MAMLD1: variants seen among roughly 807,000 people sequenced by gnomAD.
The protein encoded by MAMLD1 is mastermind-like domain-containing protein 1.
A neutral mutation model predicts 45.0 loss-of-function variants in MAMLD1; 14 were observed. That is an observed-to-expected ratio of 0.31 (90% CI 0.21 to 0.49). The LOEUF (loss-of-function observed/expected upper bound fraction) is 0.49. Ranked by LOEUF, MAMLD1 falls within the 20% of genes least tolerant of loss-of-function variation. The pLI is 0.99. For synonymous variants in MAMLD1, 254 were observed against 247.8 expected (o/e 1.02, Z -0.24); for missense variants, 543 against 603.6 (o/e 0.90, Z 1.05).
intron 3 of MAMLD1, among the ~76,000 whole-genome samples, chrX:150,469,396 C>T (rs1557406154): frequency 3.6e-5 from 4 of 111,752 alleles, no homozygotes; most frequent in African/African-American, 6.5e-5. Context: ...CGTTCTATCC[C>T]GTTTTAGTAT....
At chrX:150,504,237 G>A (rs1265153066) in intron 6 of MAMLD1, 1 of 750,862 alleles carries the variant, frequency 1.3e-6, no homozygotes, top group Non-Finnish European at 1.6e-6. Context: ...CCAGCCAGAG[G>A]GGACCTTTGC....
chrX:150,494,589 T>G (rs781918013), intron 5 of MAMLD1, among the ~76,000 whole-genome samples: 2 of 109,769 alleles, frequency 1.8e-5, no homozygotes, highest in South Asian at 7.8e-4. Context: ...TTTCAAAACC[T>G]TAGTGGCGGG....
chrX:150,467,685 C>A (rs188451863), intron 3 of MAMLD1, among the ~76,000 whole-genome samples: 232 of 112,782 alleles, frequency 2.1e-3, no homozygotes, highest in Non-Finnish European at 3.5e-3. Flanking sequence ...GTCCTACCAA[C>A]AACATGGCGA....
intron 1 of MAMLD1, among the ~76,000 whole-genome samples, chrX:150,376,262 G>C (rs2032311118): frequency 8.9e-6 from 1 of 112,086 alleles, no homozygotes; most frequent in Non-Finnish European, 1.9e-5. Flanking sequence ...TGAAAGCATG[G>C]GGTTGTATTT....
chrX:150,416,530 C>T (rs1336001664), intron 1 of MAMLD1, among the ~76,000 whole-genome samples: 1 of 111,867 alleles, frequency 8.9e-6, no homozygotes, highest in Non-Finnish European at 1.9e-5. Context: ...AACAGAATGG[C>T]TGCCTATAAA....
At chrX:150,504,843 T>C in intron 6 of MAMLD1, 1 of 754,301 alleles carries the variant, frequency 1.3e-6, no homozygotes, top group Non-Finnish European at 1.6e-6. Flanking sequence ...CCTTTGAGGG[T>C]CAGGCCTGGC....
chrX:150,454,524 G>A (rs782571197), intron 2 of MAMLD1, among the ~76,000 whole-genome samples: 7 of 111,982 alleles, frequency 6.3e-5, no homozygotes, highest in East Asian at 5.6e-4. Context: ...CGGTAATTCA[G>A]TTTCAGTTTT....
chrX:150,501,893 A>G (rs782322575), intron 5 of MAMLD1, among the ~76,000 whole-genome samples: 1 of 112,291 alleles, frequency 8.9e-6, no homozygotes, highest in East Asian at 2.8e-4. Context: ...GGGCTTGGGA[A>G]CGAGGCAAGC....
At chrX:150,415,867 G>A (rs975994933) in intron 1 of MAMLD1, among the ~76,000 whole-genome samples, 2 of 112,384 alleles carry the variant, frequency 1.8e-5, no homozygotes, top group African/African-American at 6.5e-5. Context: ...AGTTGTGGAG[G>A]TGCTACAGAT....
intron 1 of MAMLD1, among the ~76,000 whole-genome samples, chrX:150,398,341 G>GAAGAAGA (rs1569564632): frequency 1.5e-5 from 1 of 64,971 alleles, no homozygotes; most frequent in African/African-American, 5.5e-5. Context: ...AGAAGAAGAA[G>GAAGAAGA]AGGAAGAGGA....
chrX:150,442,772 T>C (rs2035358591), intron 1 of MAMLD1, among the ~76,000 whole-genome samples: 1 of 111,894 alleles, frequency 8.9e-6, no homozygotes, highest in Admixed American at 9.5e-5. Context: ...TAATGTTCAA[T>C]ATCCTTTCTT....
chrX:150,441,036 A>G (rs1391888850), intron 1 of MAMLD1, among the ~76,000 whole-genome samples: 4 of 104,882 alleles, frequency 3.8e-5, no homozygotes, highest in Non-Finnish European at 7.7e-5. Flanking sequence ...AATAATTAAT[A>G]ATAATAAAAA....
At chrX:150,407,985 A>G (rs1227002379) in intron 1 of MAMLD1, among the ~76,000 whole-genome samples, 1 of 111,755 alleles carries the variant, frequency 8.9e-6, no homozygotes, top group Non-Finnish European at 1.9e-5. Flanking sequence ...TGGAGAGCAT[A>G]GGAAACATAC....
At chrX:150,479,888 G>A (rs781924358) in intron 5 of MAMLD1, among the ~76,000 whole-genome samples, 35 of 112,021 alleles carry the variant, frequency 3.1e-4, no homozygotes, top group Non-Finnish European at 5.3e-4. Context: ...CCATTCAGCT[G>A]TGGCCCTAAC....
At position 150,470,414 on chromosome X, in the gene MAMLD1, T is replaced by A; in HGVS notation, c.841T>A (p.Ser281Thr). ...GTCACCGAGTTCTTCAATGGCACAG[T>A]CCAAGAGCCAGGTCCAGGCCATGCT... ...IVSPSSSMAQSKSQVQAMLPV... is the reference protein window; with the variant it reads ...IVSPSSSMAQTKSQVQAMLPV... Residue 281 changes from serine (S) to threonine (T), a missense_variant, in exon 4 of 8, where the codon TCC becomes ACC. Ser to Thr is a moderately conservative substitution (Grantham distance 58, BLOSUM62 1). Coordinates refer to ENST00000370401, the MANE Select transcript of MAMLD1 (RefSeq NM_005491.5). 1 of 1,211,794 alleles carries A rather than the reference T, an allele frequency of 8.3e-7. No homozygotes were observed. Among genetic ancestry groups the A allele is most frequent in the Non-Finnish European group, 1.1e-6 (1 of 895,516 alleles).
Position 150,383,587 on chromosome X carries a change from T to C in MAMLD1, c.-64+20057T>C, listed in dbSNP as rs139257370. On this transcript the variant is annotated intron_variant, in intron 1 of 7. Coordinates refer to ENST00000370401, the MANE Select transcript of MAMLD1 (RefSeq NM_005491.5). Reference sequence around the variant, plus strand: ...ATGCAGCAGTTGTAAATGGTATGTGTTCTCTTAACACAGTTTTATTGATAC... The same window carrying C: ...ATGCAGCAGTTGTAAATGGTATGTGCTCTCTTAACACAGTTTTATTGATAC... 8.5e-3 allele frequency among the ~76,000 whole-genome samples: 953 copies of C among 111,473 alleles called. 9 individuals carry two copies. Among genetic ancestry groups the C allele is most frequent in the African/African-American group, 0.03 (917 of 30,685 alleles).
chrX:150,383,969 C>T (rs1402876959), intron 1 of MAMLD1, among the ~76,000 whole-genome samples: 1 of 111,396 alleles, frequency 9.0e-6, no homozygotes, highest in Non-Finnish European at 1.9e-5. Context: ...AATAATATTC[C>T]ACATATTATT....
intron 1 of MAMLD1, among the ~76,000 whole-genome samples, chrX:150,367,880 G>A (rs2031621996): frequency 1.8e-5 from 2 of 111,484 alleles, no homozygotes; most frequent in South Asian, 7.7e-4. Flanking sequence ...CCCTACAAAG[G>A]ACATGAACTC....
At chrX:150,453,985 C>G (rs2035757986) in intron 2 of MAMLD1, among the ~76,000 whole-genome samples, 1 of 112,608 alleles carries the variant, frequency 8.9e-6, no homozygotes, top group Non-Finnish European at 1.9e-5. Context: ...AGCTCCTTCT[C>G]TCTGGTTCCC....
Sources: gnomAD v4.1 joint callset for allele counts (sites outside exome capture counted in the v4.1 genomes callset) on GRCh38, gnomAD v4.1.1 for gene constraint, MANE v1.5 for transcripts, NCBI Gene and HGNC (gene_info 2026-07-23, HGNC 2026-07-21) for gene names.